The following BNC2 variants were observed in gnomAD, a reference collection of about 807,000 sequenced individuals.
The protein encoded by BNC2 is zinc finger protein basonuclin-2.
A neutral mutation model predicts 76.3 loss-of-function variants in BNC2; 20 were observed. The observed-to-expected ratio is 0.26, with a 90% CI of 0.18 to 0.38. BNC2 has a LOEUF of 0.38. Among genes scored for constraint, BNC2 ranks in the 10% least tolerant of loss-of-function variants. BNC2 has a pLI of 1.00. For missense variants in BNC2, 1,382 were observed against 1,399.8 expected (o/e 0.99, Z 0.20); for synonymous variants, 582 against 514.8 (o/e 1.13, Z -1.77).
intron 1 of BNC2, among the ~76,000 whole-genome samples, chr9:16,849,413 C>G (rs1014474145): frequency 8.1e-6 from 1 of 123,410 alleles, no homozygotes; most frequent in Non-Finnish European, 1.6e-5. Context: ...GGCTGGAGTA[C>G]AGTGGCGCAA....
At chr9:16,703,430 A>G (rs189792949) in intron 3 of BNC2, among the ~76,000 whole-genome samples, 47 of 152,292 alleles carry the variant, frequency 3.1e-4, no homozygotes, top group Non-Finnish European at 5.7e-4. Context: ...AAAAACTATC[A>G]TCATGTTACT....
intron 3 of BNC2, among the ~76,000 whole-genome samples, chr9:16,694,451 G>C (rs1417339154): frequency 6.6e-6 from 1 of 152,114 alleles, no homozygotes; most frequent in Non-Finnish European, 1.5e-5. Flanking sequence ...GTTGGCTAGA[G>C]ATGCAAATTA....
intron 1 of BNC2, chr9:16,867,657 T>A (rs1206226714): frequency 6.6e-6 from 1 of 152,072 alleles, no homozygotes; most frequent in Non-Finnish European, 1.5e-5. Context: ...TAAGAAATAT[T>A]CCCAGGAACA....
chr9:16,756,013 T>A lies in BNC2; in HGVS notation c.4-17528A>T, dbSNP rs187095245. On this transcript the variant is annotated intron_variant, in intron 1 of 6. Transcript: ENST00000380672. The stretch of plus-strand genomic sequence containing the variant: ...TCATGTGCCAAACCAACGCTAGATA[T>A]GTGAAAAACAACCCTCTGGGATTAA... Among the ~76,000 whole-genome samples the A allele has an allele frequency of 7.1e-3, 1,086 of 152,292 alleles. 10 individuals are homozygous for A. Among genetic ancestry groups the A allele is most frequent in the Middle Eastern group, 0.01 (3 of 294 alleles).
intron 4 of BNC2, among the ~76,000 whole-genome samples, chr9:16,570,234 T>C (rs1404557584): frequency 6.6e-6 from 1 of 152,148 alleles, no homozygotes; most frequent in Non-Finnish European, 1.5e-5. Context: ...TTGAGAGTCG[T>C]GGTATAAAAA....
intron 1 of BNC2, among the ~76,000 whole-genome samples, chr9:16,755,861 T>C (rs1465361882): frequency 5.3e-5 from 8 of 152,190 alleles, no homozygotes; most frequent in African/African-American, 1.9e-4. Flanking sequence ...CTTCTCCGCT[T>C]TTCTTAGGAG....
chr9:16,766,385 T>C (rs574832300), intron 1 of BNC2, among the ~76,000 whole-genome samples: 5 of 152,220 alleles, frequency 3.3e-5, no homozygotes, highest in Admixed American at 3.3e-4. Flanking sequence ...GATTTTTTAA[T>C]CATGAGGACT....
Position 16,416,036 on chromosome 9 carries a change from C to T in BNC2, c.*2953G>A, listed in dbSNP as rs755316742. 6.6e-6 allele frequency: 1 copy of T among 152,182 alleles called. No homozygotes were observed. The highest frequency in any genetic ancestry group is 2.4e-5 in the African/African-American group (1 of 41,446). 9.4% of individuals were successfully genotyped at this position (152,182 alleles called of 1,614,324 possible). ...TTTTCTAACTGGCTATACACATTAG[C>T]TTGGTTTGCAGCAAGTAACAAACAT... On this transcript the variant is annotated 3_prime_UTR_variant, in exon 7 of 7. Transcript: ENST00000380672.
intron 5 of BNC2, among the ~76,000 whole-genome samples, chr9:16,485,566 T>C (rs1822147081): frequency 6.6e-6 from 1 of 152,198 alleles, no homozygotes; most frequent in Non-Finnish European, 1.5e-5. Flanking sequence ...TCCACCCCAC[T>C]GGGCTCATTT....
intron 1 of BNC2, among the ~76,000 whole-genome samples, chr9:16,829,486 G>C (rs1172150753): frequency 6.6e-6 from 1 of 152,114 alleles, no homozygotes; most frequent in African/African-American, 2.4e-5. Context: ...CAAGTGGGTT[G>C]GTTCCCTAAC....
chr9:16,554,976 C>T (rs1257407977), intron 4 of BNC2, among the ~76,000 whole-genome samples: 1 of 152,106 alleles, frequency 6.6e-6, no homozygotes, highest in South Asian at 2.1e-4. Context: ...TGAAAAAAAC[C>T]ACAATCACTC....
intron 1 of BNC2, among the ~76,000 whole-genome samples, chr9:16,770,964 C>T (rs891522496): frequency 6.6e-6 from 1 of 152,012 alleles, no homozygotes; most frequent in Non-Finnish European, 1.5e-5. Context: ...TGAGGCCAGG[C>T]GTTCATGACC....
At chr9:16,655,335 T>C (rs1027605466) in intron 3 of BNC2, among the ~76,000 whole-genome samples, 1 of 152,128 alleles carries the variant, frequency 6.6e-6, no homozygotes, top group Admixed American at 6.5e-5. Flanking sequence ...TATTGCTAAA[T>C]CCTACAAAGC....
At chr9:16,458,487 T>C (rs1821503079) in intron 5 of BNC2, among the ~76,000 whole-genome samples, 1 of 152,208 alleles carries the variant, frequency 6.6e-6, no homozygotes, top group Admixed American at 6.5e-5. Flanking sequence ...TGAAACTGGG[T>C]TGTCAATTCT....
In BNC2 at chr9:16,717,444, T is replaced by C. The variant is rs191488351; in HGVS notation, c.330+10353A>G. Among the ~76,000 whole-genome samples the C allele has an allele frequency of 4.4e-3, 663 of 152,306 alleles. 3 individuals carry two copies. Among genetic ancestry groups the C allele is most frequent in the African/African-American group, 0.014 (584 of 41,580 alleles). On this transcript the variant is annotated intron_variant, in intron 3 of 6. Transcript: ENST00000380672. The stretch of plus-strand genomic sequence containing the variant: ...TAAGGAAAGTATATACTTCATTACA[T>C]TCATGTTAATTTGCCTTTTATACCA...
chr9:16,829,611 AGAG>A (rs1363350807), intron 1 of BNC2, among the ~76,000 whole-genome samples: 1 of 152,200 alleles, frequency 6.6e-6, no homozygotes, highest in African/African-American at 2.4e-5. Flanking sequence ...GTGTTTGCAA[AGAG>A]GAGGATTTAG....
At position 16,773,681 on chromosome 9, in the gene BNC2, C is replaced by A. The variant is rs888631726; in HGVS notation, c.4-35196G>T. On this transcript the variant is annotated intron_variant, in intron 1 of 6. Coordinates refer to ENST00000380672, the MANE Select transcript of BNC2 (RefSeq NM_017637.6). ...CAGCAACCTTTTTACCAAGTCTTAA[C>A]ATGAGAGCCCAAGGTGCTTGGAGGA... Among the ~76,000 whole-genome samples the A allele has an allele frequency of 2.0e-5, 3 of 152,172 alleles. No individual in the cohort carries two copies. The South Asian group carries it at 6.2e-4, about 32-fold the overall frequency.
chr9:16,760,078 T>C (rs1825510169), intron 1 of BNC2, among the ~76,000 whole-genome samples: 1 of 152,148 alleles, frequency 6.6e-6, no homozygotes, highest in Non-Finnish European at 1.5e-5. Context: ...GCAGTGAGAA[T>C]GTATAGGAAA....
At chr9:16,849,139 C>T (rs1819063791) in intron 1 of BNC2, among the ~76,000 whole-genome samples, 1 of 151,890 alleles carries the variant, frequency 6.6e-6, no homozygotes, top group Non-Finnish European at 1.5e-5. Flanking sequence ...TTCAGAGAGC[C>T]CCAGGGAGGA....
Sources: gnomAD v4.1 joint callset for allele counts (sites outside exome capture counted in the v4.1 genomes callset) on GRCh38, gnomAD v4.1.1 for gene constraint, MANE v1.5 for transcripts, NCBI Gene and HGNC (gene_info 2026-07-23, HGNC 2026-07-21) for gene names.